The following STUB1 variants were observed in gnomAD, a reference collection of about 807,000 sequenced individuals.
STUB1 encodes the protein STIP1 homology and U-box containing protein 1.
Under a neutral mutation model 40.3 loss-of-function variants are expected in STUB1, and 37 were observed. That is an observed-to-expected ratio of 0.92 (90% CI 0.71 to 1.21). STUB1 has a LOEUF of 1.21. STUB1 is among the 50% of genes most tolerant of loss of function. The pLI is 0.00. For synonymous variants in STUB1, 246 were observed against 171.9 expected (o/e 1.43, Z -3.37); for missense variants, 460 against 421.9 (o/e 1.09, Z -0.79).
intron 1 of STUB1, 27 bp from the exon 2 acceptor site, chr16:681,125 T>A (rs1397856045): frequency 6.5e-7 from 1 of 1,540,714 alleles, no homozygotes; most frequent in Non-Finnish European, 8.8e-7. Flanking sequence ...TACGCCCTCA[T>A]GCGGCTGGCC....
chr16:680,424 C>A lies in STUB1; in HGVS notation c.-102C>A. ...GTTCCGGCGGCGGAGCTGGGCCGGG[C>A]CCGAGCGGATCGCGGGCTCGGGCTG... is the stretch of plus-strand genomic sequence containing the variant. On this transcript the variant is annotated 5_prime_UTR_variant, in exon 1 of 7. Coordinates refer to ENST00000219548, the MANE Select transcript of STUB1 (RefSeq NM_005861.4). This position sits in a 1 kb window ranked among gnomAD's most constrained non-coding sequence, Gnocchi z 4.9. 9.4e-7 allele frequency: 1 copy of A among 1,064,172 alleles called. No homozygotes were observed. Among genetic ancestry groups the A allele is most frequent in the Non-Finnish European group, 1.2e-6 (1 of 864,568 alleles). The allele number at this position is 1,064,172 out of a possible 1,614,324, so 65.9% of individuals were successfully genotyped here.
chr16:682,448 G>A lies in STUB1; in HGVS notation c.871G>A (p.Asp291Asn). The change falls in exon 7 of 7, where the codon GAC (aspartate) becomes AAC (asparagine). Residue 291 changes from aspartate (D) to asparagine (N), a missense_variant. Coordinates refer to ENST00000219548, the MANE Select transcript of STUB1 (RefSeq NM_005861.4). ...IPNLAMKEVI[D>N]AFISENGWVE... ...CAACTTGGCTATGAAGGAGGTTATT[G>A]ACGCATTCATCTCTGAGAATGGCTG... The A allele has an allele frequency of 6.2e-7, 1 of 1,613,464 alleles. No homozygotes were observed. Among genetic ancestry groups the A allele is most frequent in the Non-Finnish European group, 8.5e-7 (1 of 1,180,010 alleles).
rs551400570 is a variant in STUB1, at chr16:680,991, A to G, written c.160-161A>G. 4.0e-6 allele frequency: 3 copies of G among 743,824 alleles called. No homozygotes were observed. In the East Asian group the frequency reaches 8.2e-5, roughly 20 times the overall value. The allele number at this position is 743,824 out of a possible 1,614,324, so 46.1% of individuals were successfully genotyped here. On this transcript the variant is annotated intron_variant, in intron 1 of 6. Coordinates refer to ENST00000219548, the MANE Select transcript of STUB1 (RefSeq NM_005861.4). This position sits in a 1 kb window ranked among gnomAD's most constrained non-coding sequence, Gnocchi z 4.9. ...TGGAATCAAGCGGATAGGCTCAGCC[A>G]GTACTCCACTGTGCACAGATCCTTG...
intron 3 of STUB1, 35 bp downstream of exon 3, chr16:681,638 A>T (rs767739964): frequency 1.3e-6 from 2 of 1,581,820 alleles, no homozygotes; most frequent in Admixed American, 3.5e-5. Context: ...CTGTCTTGGG[A>T]TAATTCTGAA....
At chr16:681,715 G>A (rs2039660820) in intron 3 of STUB1, 78 bp from the exon 4 acceptor site, 5 of 1,552,180 alleles carry the variant, frequency 3.2e-6, no homozygotes, top group Non-Finnish European at 4.4e-6. Context: ...GGGGAAGTGT[G>A]GATGTTAGCT....
rs745883177 is a variant in STUB1, at chr16:682,481, G to A, written c.904G>A (p.Asp302Asn). The change falls in exon 7 of 7, where the codon GAC becomes AAC. Residue 302 changes from aspartate (D) to asparagine (N), a missense_variant. Physicochemically the swap from Asp to Asn is conservative, Grantham distance 23. Transcript: ENST00000219548. ...AFISENGWVE[D>N]Y ...CATCTCTGAGAATGGCTGGGTGGAG[G>A]ACTACTGAGGTTCCCTGCCCTACCT... is the stretch of plus-strand genomic sequence containing the variant. 5 of 1,613,166 alleles carry A rather than the reference G, an allele frequency of 3.1e-6. No individual in the cohort carries two copies. Among genetic ancestry groups the A allele is most frequent in the Admixed American group, 1.7e-5 (1 of 60,008 alleles).
intron 2 of STUB1, 42 bp from the exon 3 acceptor site, chr16:681,396 G>T: frequency 6.2e-7 from 1 of 1,611,258 alleles, no homozygotes. Flanking sequence ...GGGCCAGGCG[G>T]GTGGACTGGC....
Position 682,412 on chromosome 16 carries a change from C to G in STUB1, c.835C>G (p.Gln279Glu), listed in dbSNP as rs1231579187. The change falls in exon 7 of 7, where the codon CAG (glutamine) becomes GAG (glutamate). Residue 279 changes from glutamine to glutamate, a missense_variant. Gln to Glu is a conservative substitution (Grantham distance 29). Transcript: ENST00000219548. ...GACCCGGAGCCCCCTGACCCAGGAACAGCTCATCCCCAACTTGGCTATGAA... is the reference window on the plus strand; with the variant it reads ...GACCCGGAGCCCCCTGACCCAGGAAGAGCTCATCCCCAACTTGGCTATGAA... ...PVTRSPLTQE[Q>E]LIPNLAMKEV... The G allele has an allele frequency of 6.2e-7, 1 of 1,613,430 alleles. No homozygotes were observed. The highest frequency in any genetic ancestry group is 1.1e-5 in the South Asian group (1 of 91,088).
Position 680,976 on chromosome 16 carries a change from C to A in STUB1, c.160-176C>A. 2 of 714,912 alleles carry A rather than the reference C, an allele frequency of 2.8e-6. No individual in the cohort carries two copies. Among genetic ancestry groups the A allele is most frequent in the Non-Finnish European group, 4.5e-6 (2 of 446,792 alleles). 44.3% of individuals were successfully genotyped at this position (714,912 alleles called of 1,614,324 possible). On this transcript the variant is annotated intron_variant, in intron 1 of 6. Transcript: ENST00000219548. This position sits in a 1 kb window ranked among gnomAD's most constrained non-coding sequence, Gnocchi z 4.9. ...CTTTACAAAACCAAGTGGAATCAAG[C>A]GGATAGGCTCAGCCAGTACTCCACT...
At position 681,889 on chromosome 16, in the gene STUB1, G is replaced by GC. The variant is rs544433451; in HGVS notation, c.612+15dup. The GC allele has an allele frequency of 9.5e-4, 1,534 of 1,612,950 alleles. 20 individuals carry two copies. The South Asian group carries it at 0.011, about 12-fold the overall frequency. ...GCATTGAGGCCAAGCACGTGAGGGT[G>GC]CCCCCCACCCACATGTGGGTCTGTG... On this transcript the variant is annotated intron_variant, in intron 4 of 6. Coordinates refer to ENST00000219548, the MANE Select transcript of STUB1 (RefSeq NM_005861.4).
In STUB1 at chr16:681,325, T is replaced by G. The variant is rs746292203; in HGVS notation, c.333T>G (p.Asp111Glu). 4 of 1,612,900 alleles carry G rather than the reference T, an allele frequency of 2.5e-6. No homozygotes were observed. In the African/African-American group the frequency reaches 4.0e-5, roughly 16 times the overall value. Residue 111 changes from aspartate to glutamate, a missense_variant, in exon 2 of 7, where the codon GAT (aspartate) becomes GAG (glutamate). Physicochemically the swap from Asp to Glu is conservative, Grantham distance 45 (BLOSUM62 2). Transcript: ENST00000219548. ...GCCAGCTGGAGATGGAGAGCTATGA[T>G]GAGGCCATCGCCAATCTGCAGCGAG... is the stretch of plus-strand genomic sequence containing the variant. ...GQCQLEMESY[D>E]EAIANLQRAY...
Position 682,506 on chromosome 16 carries a change from T to C in STUB1, c.*17T>C, listed in dbSNP as rs2039710644. On this transcript the variant is annotated 3_prime_UTR_variant, in exon 7 of 7. Transcript: ENST00000219548. ...GACTACTGAGGTTCCCTGCCCTACCTGGCGTCCTGGTCCAGGGGAGCCCTG... is the reference window on the plus strand; with the variant it reads ...GACTACTGAGGTTCCCTGCCCTACCCGGCGTCCTGGTCCAGGGGAGCCCTG... The C allele has an allele frequency of 6.2e-7, 1 of 1,612,888 alleles. No individual in the cohort carries two copies. The highest frequency in any genetic ancestry group is 1.1e-5 in the South Asian group (1 of 91,066).
At position 681,458 on chromosome 16, in the gene STUB1, C is replaced by A; in HGVS notation, c.379C>A (p.Gln127Lys). 1 of 1,612,544 alleles carries A rather than the reference C, an allele frequency of 6.2e-7. No individual in the cohort carries two copies. Among genetic ancestry groups the A allele is most frequent in the Non-Finnish European group, 8.5e-7 (1 of 1,179,726 alleles). ...LQRAYSLAKE[Q>K]RLNFGDDIPS... ...CCCAGCTTACAGCCTGGCCAAGGAGCAGCGGCTGAACTTCGGGGACGACAT... is the reference window on the plus strand; with the variant it reads ...CCCAGCTTACAGCCTGGCCAAGGAGAAGCGGCTGAACTTCGGGGACGACAT... Residue 127 changes from glutamine (Q) to lysine (K), a missense_variant, in exon 3 of 7, where the codon CAG (glutamine) becomes AAG (lysine). Physicochemically the swap from Gln to Lys is moderately conservative, Grantham distance 53. Coordinates refer to ENST00000219548, the MANE Select transcript of STUB1 (RefSeq NM_005861.4).
In STUB1 at chr16:682,549, C is replaced by G; in HGVS notation, c.*60C>G. 6.2e-7 allele frequency: 1 copy of G among 1,604,284 alleles called. No individual in the cohort carries two copies. The highest frequency in any genetic ancestry group is 8.5e-7 in the Non-Finnish European group (1 of 1,174,726). On this transcript the variant is annotated 3_prime_UTR_variant, in exon 7 of 7. Coordinates refer to ENST00000219548, the MANE Select transcript of STUB1 (RefSeq NM_005861.4). The stretch of plus-strand genomic sequence containing the variant: ...GAGCCCTGGGCAGAAGCCCCCGGCC[C>G]CTATACATAGTTTATGTTCCTGGCC...
At position 682,251 on chromosome 16, in the gene STUB1, C is replaced by G; in HGVS notation, c.756C>G (p.Tyr252Ter). 1.9e-6 allele frequency: 3 copies of G among 1,612,330 alleles called. No individual in the cohort carries two copies. The highest frequency in any genetic ancestry group is 1.7e-6 in the Non-Finnish European group (2 of 1,179,832). ...EPCITPSGIT[Y>*]DRKDIEEHLQ... ...GCATCACGCCCAGTGGCATCACCTACGACCGCAAGGACATCGAGGAGCACC... is the reference window on the plus strand; with the variant it reads ...GCATCACGCCCAGTGGCATCACCTAGGACCGCAAGGACATCGAGGAGCACC... The change falls in exon 6 of 7, where the codon TAC becomes TAG. Residue 252 changes from tyrosine (Y) to a stop codon, truncating the protein, a stop_gained. Transcript: ENST00000219548. LOFTEE classifies it high-confidence loss of function.
At position 682,451 on chromosome 16, in the gene STUB1, G is replaced by A. The variant is rs754736265; in HGVS notation, c.874G>A (p.Ala292Thr). 4.2e-5 allele frequency: 67 copies of A among 1,613,320 alleles called. No homozygotes were observed. The highest frequency in any genetic ancestry group is 6.6e-5 in the South Asian group (6 of 91,086). ...CTTGGCTATGAAGGAGGTTATTGAC[G>A]CATTCATCTCTGAGAATGGCTGGGT... ...PNLAMKEVIDAFISENGWVED... is the reference protein window; with the variant it reads ...PNLAMKEVIDTFISENGWVED... The change falls in exon 7 of 7, where the codon GCA becomes ACA. Residue 292 changes from alanine (A) to threonine (T), a missense_variant. Ala to Thr is a moderately conservative substitution (Grantham distance 58). Transcript: ENST00000219548.
chr16:682,659 C>T lies in STUB1; in HGVS notation c.*170C>T. ...TCGCTTTTGCTGGGCCGTGATCGTC[C>T]CCCTTTGTGGGCTGGAAAAGCAGGT... On this transcript the variant is annotated 3_prime_UTR_variant, in exon 7 of 7. Coordinates refer to ENST00000219548, the MANE Select transcript of STUB1 (RefSeq NM_005861.4). 1 of 1,403,810 alleles carries T rather than the reference C, an allele frequency of 7.1e-7. No individual in the cohort carries two copies. The allele number at this position is 1,403,810 out of a possible 1,614,324, so 87.0% of individuals were successfully genotyped here. A position where few individuals can be genotyped will look rare whatever the true frequency, so the allele number is the denominator to read the frequency against.
At position 681,551 on chromosome 16, in the gene STUB1, G is replaced by C; in HGVS notation, c.472G>C (p.Glu158Gln). 1 of 1,611,844 alleles carries C rather than the reference G, an allele frequency of 6.2e-7. No homozygotes were observed. The highest frequency in any genetic ancestry group is 1.3e-5 in the African/African-American group (1 of 75,048). ...CATTGAGGAGCGGCGCATCCACCAG[G>C]AGAGCGAGCTGCACTCCTACCTCTC... ...NSIEERRIHQ[E>Q]SELHSYLSRL... Residue 158 changes from glutamate to glutamine, a missense_variant, in exon 3 of 7, where the codon GAG becomes CAG. Transcript: ENST00000219548.
Position 681,363 on chromosome 16 carries a change from G to C in STUB1, c.358+13G>C. 1 of 1,612,490 alleles carries C rather than the reference G, an allele frequency of 6.2e-7. No homozygotes were observed. The highest frequency in any genetic ancestry group is 8.5e-7 in the Non-Finnish European group (1 of 1,179,700). On this transcript the variant is annotated intron_variant, in intron 2 of 6. Transcript: ENST00000219548. The stretch of plus-strand genomic sequence containing the variant: ...AATCTGCAGCGAGGTTGGCTGACAA[G>C]CTGCCCGGTTGTGGGGCCTCTGGGG...
Sources: allele counts gnomAD v4.1 joint callset, GRCh38; gene constraint gnomAD v4.1.1; non-coding constraint Gnocchi (gnomAD v3.1); transcripts MANE v1.5; gene names NCBI Gene and HGNC (gene_info 2026-07-23, HGNC 2026-07-21).